Variants in DPYD observed in about 807,000 individuals in gnomAD.
DPYD encodes dihydropyrimidine dehydrogenase [NADP(+)].
Under a neutral mutation model 116.2 loss-of-function variants are expected in DPYD, and 109 were observed. The ratio of observed to expected loss-of-function variants is 0.94; its 90% CI spans 0.80 to 1.10. The LOEUF (loss-of-function observed/expected upper bound fraction) is 1.10, where lower values mean the gene tolerates loss of function less well. Among genes scored for constraint, DPYD ranks in the 50% least tolerant of loss-of-function variants. DPYD has a pLI of 0.00. For missense variants in DPYD, 1,302 were observed against 1,254.5 expected, an observed-to-expected ratio of 1.04 and a Z score of -0.57; for synonymous variants, 440 against 432.0, an observed-to-expected ratio of 1.02 and a Z score of -0.23.
At chr1:97,916,828 T>A (rs1017183983) in intron 1 of DPYD, among the ~76,000 whole-genome samples, 12 of 152,150 alleles carry the variant, frequency 7.9e-5, no homozygotes, top group African/African-American at 2.9e-4. Context: ...GGCAATATAC[T>A]GAGACCCCCA....
At chr1:97,618,911 T>G (rs557721105) in intron 8 of DPYD, among the ~76,000 whole-genome samples, 69 of 152,114 alleles carry the variant, frequency 4.5e-4, no homozygotes, top group African/African-American at 1.4e-3. Context: ...GAAGAAATAA[T>G]AATGCACCAG....
intron 1 of DPYD, among the ~76,000 whole-genome samples, chr1:97,918,983 C>T (rs555483748): frequency 7.2e-5 from 11 of 152,308 alleles, no homozygotes; most frequent in Non-Finnish European, 1.3e-4. Context: ...ATAATTCATT[C>T]TAATTCTTCA....
chr1:97,635,166 A>G (rs750889703), intron 8 of DPYD, among the ~76,000 whole-genome samples: 19 of 152,010 alleles, frequency 1.2e-4, no homozygotes, highest in Non-Finnish European at 2.4e-4. Flanking sequence ...GGCACTGACC[A>G]TAGAGGACAC....
intron 14 of DPYD, among the ~76,000 whole-genome samples, chr1:97,428,573 G>A (rs1027166371): frequency 3.3e-5 from 5 of 151,956 alleles, no homozygotes; most frequent in African/African-American, 4.8e-5. Context: ...AGAAGTAACC[G>A]GGAGATCCTA....
intron 16 of DPYD, among the ~76,000 whole-genome samples, chr1:97,307,594 T>C (rs935842623): frequency 1.3e-5 from 2 of 151,926 alleles, no homozygotes; most frequent in Non-Finnish European, 2.9e-5. Flanking sequence ...TTAATACTTT[T>C]AAAAAGAAGT....
chr1:97,213,672 C>T (rs1318585507), intron 19 of DPYD, among the ~76,000 whole-genome samples: 1 of 152,094 alleles, frequency 6.6e-6, no homozygotes, highest in African/African-American at 2.4e-5. Flanking sequence ...ATAAAATGTA[C>T]CTGTCCATGG....
In DPYD at chr1:97,563,012, C is replaced by T. The variant is rs146679762; in HGVS notation, c.1339+10748G>A. On this transcript the variant is annotated intron_variant, in intron 11 of 22. Transcript: ENST00000370192. ...GGGATTACAGGCGTGAGCCACCATGCCCGGCCAAATATCTAATTTAACCAG... is the reference window on the plus strand; with the variant it reads ...GGGATTACAGGCGTGAGCCACCATGTCCGGCCAAATATCTAATTTAACCAG... Among the ~76,000 whole-genome samples the T allele has an allele frequency of 4.9e-3, 739 of 152,276 alleles. 9 individuals are homozygous for T. The highest frequency in any genetic ancestry group is 0.017 in the African/African-American group (696 of 41,558).
At chr1:97,612,159 T>C (rs965732269) in intron 8 of DPYD, among the ~76,000 whole-genome samples, 1 of 152,048 alleles carries the variant, frequency 6.6e-6, no homozygotes, top group African/African-American at 2.4e-5. Context: ...CAACTTAATA[T>C]GGTGTTGCAT....
rs145725724 is a variant in DPYD, at chr1:97,556,315, T to A, written c.1340-6571A>T. Among the ~76,000 whole-genome samples the A allele has an allele frequency of 6.5e-3, 964 of 147,706 alleles. 10 individuals carry two copies. Among genetic ancestry groups the A allele is most frequent in the Middle Eastern group, 0.031 (9 of 290 alleles). On this transcript the variant is annotated intron_variant, in intron 11 of 22. Transcript: ENST00000370192. ...CATTTTTAATAGTCATTGCTGCTTTTTTCTATTCCCTTTTTTTTTATTTTA... is the reference window on the plus strand; with the variant it reads ...CATTTTTAATAGTCATTGCTGCTTTATTCTATTCCCTTTTTTTTTATTTTA...
chr1:97,445,151 G>A (rs942115350), intron 14 of DPYD, among the ~76,000 whole-genome samples: 1 of 152,068 alleles, frequency 6.6e-6, no homozygotes, highest in Non-Finnish European at 1.5e-5. Flanking sequence ...GATGCTGACC[G>A]ACTTCCCCTC....
At chr1:97,823,864 C>CTTTT (rs56673700) in intron 3 of DPYD, among the ~76,000 whole-genome samples, 6 of 81,710 alleles carry the variant, frequency 7.3e-5, no homozygotes, top group African/African-American at 9.1e-5. Context: ...ACTACAAAGT[C>CTTTT]TTTTTTTTTT....
At chr1:97,637,691 A>C (rs561496935) in intron 8 of DPYD, among the ~76,000 whole-genome samples, 2 of 152,300 alleles carry the variant, frequency 1.3e-5, no homozygotes, top group East Asian at 1.9e-4. Flanking sequence ...AATTTCACGA[A>C]GGGAACAAGT....
chr1:97,392,918 C>T (rs1672793573), intron 14 of DPYD, among the ~76,000 whole-genome samples: 1 of 152,030 alleles, frequency 6.6e-6, no homozygotes, highest in African/African-American at 2.4e-5. Flanking sequence ...ATGCAGACAT[C>T]TGACTTCCTC....
intron 4 of DPYD, among the ~76,000 whole-genome samples, chr1:97,728,992 T>C (rs1273285565): frequency 6.6e-6 from 1 of 152,162 alleles, no homozygotes; most frequent in Non-Finnish European, 1.5e-5. Context: ...TGACTAGCTT[T>C]ATTCTGAAAA....
intron 12 of DPYD, among the ~76,000 whole-genome samples, chr1:97,531,733 C>T (rs1649639940): frequency 1.3e-5 from 2 of 152,028 alleles, no homozygotes; most frequent in Non-Finnish European, 2.9e-5. Context: ...GATATTTTAA[C>T]ATTAGTTTTT....
rs562755577 is a variant in DPYD, at chr1:97,336,149, A to C, written c.2059-29852T>G. 4.5e-4 allele frequency among the ~76,000 whole-genome samples: 69 copies of C among 152,348 alleles called. 1 individual carries two copies. The highest frequency in any genetic ancestry group is 3.6e-3 in the Admixed American group (55 of 15,298). On this transcript the variant is annotated intron_variant, in intron 16 of 22. Coordinates refer to ENST00000370192, the MANE Select transcript of DPYD (RefSeq NM_000110.4). ...TCACAGAATGACTCAATAATAGTGC[A>C]TAATTCAAACACCATGGCACAATAA... is the stretch of plus-strand genomic sequence containing the variant.
chr1:97,424,423 C>T (rs1370050113), intron 14 of DPYD, among the ~76,000 whole-genome samples: 1 of 151,998 alleles, frequency 6.6e-6, no homozygotes, highest in East Asian at 1.9e-4. Flanking sequence ...AACATAGACA[C>T]ACTGTTCAGG....
chr1:97,201,123 C>T (rs1345382429), intron 19 of DPYD, among the ~76,000 whole-genome samples: 1 of 152,030 alleles, frequency 6.6e-6, no homozygotes, highest in Non-Finnish European at 1.5e-5. Flanking sequence ...TATAAACAAG[C>T]ATATATGTAT....
intron 3 of DPYD, among the ~76,000 whole-genome samples, chr1:97,815,720 G>T (rs1163554253): frequency 6.6e-6 from 1 of 152,104 alleles, no homozygotes; most frequent in African/African-American, 2.4e-5. Flanking sequence ...CACCTGGAGA[G>T]GAAAATGTAG....
Sources: gnomAD v4.1 joint callset for allele counts (sites outside exome capture counted in the v4.1 genomes callset) on GRCh38, gnomAD v4.1.1 for gene constraint, MANE v1.5 for transcripts, NCBI Gene and HGNC (gene_info 2026-07-23, HGNC 2026-07-21) for gene names.